TACC1: variants seen among roughly 807,000 people sequenced by gnomAD.
TACC1 encodes the protein transforming acidic coiled-coil containing protein 1, also known as transforming acidic coiled-coil-containing protein 1.
TACC1 carries 48 observed loss-of-function variants against 84.4 expected under a neutral mutation model. The observed-to-expected ratio is 0.57, with a 90% CI of 0.45 to 0.72. The LOEUF (loss-of-function observed/expected upper bound fraction) is 0.72, where lower values mean the gene tolerates loss of function less well. Ranked by LOEUF, TACC1 falls within the 30% of genes least tolerant of loss-of-function variation. The pLI, the probability that TACC1 is intolerant of heterozygous loss-of-function variation, is 0.00. For missense variants in TACC1, 920 were observed against 973.0 expected (o/e 0.95, Z 0.72); for synonymous variants, 372 against 376.3 (o/e 0.99, Z 0.13).
intron 2 of TACC1, among the ~76,000 whole-genome samples, chr8:38,818,541 G>A (rs1449454700): frequency 2.0e-5 from 3 of 152,114 alleles, no homozygotes; most frequent in Non-Finnish European, 4.4e-5. Context: ...TTCCTGGTCC[G>A]ACTTAGAGAC....
intron 3 of TACC1, chr8:38,757,556 C>T (rs1242559064): frequency 1.9e-5 from 21 of 1,085,220 alleles, no homozygotes; most frequent in Non-Finnish European, 2.2e-5. Context: ...CAGCGGGGCA[C>T]GAGAGTTTGG....
intron 8 of TACC1, chr8:38,839,615 C>T: frequency 3.8e-6 from 1 of 262,832 alleles, no homozygotes; most frequent in Non-Finnish European, 7.2e-6. Context: ...GGGGGCACCA[C>T]CATTGAGGGC....
Position 38,763,405 on chromosome 8 carries a change from C to T in TACC1, c.26+17912C>T, listed in dbSNP as rs984221501. Among the ~76,000 whole-genome samples, 11 of 152,272 alleles carry T rather than the reference C, an allele frequency of 7.2e-5. No individual in the cohort carries two copies. In the East Asian group the frequency reaches 1.3e-3, roughly 19 times the overall value. On this transcript the variant is annotated intron_variant, in intron 3 of 14. Transcript: ENST00000518415. ...CTCCCGGCCTCAAATAATTCTCCCC[C>T]CTCAGCCTCCCAGAGTGCTAAGATT...
intron 2 of TACC1, among the ~76,000 whole-genome samples, chr8:38,816,380 T>G (rs1825441305): frequency 6.6e-6 from 1 of 152,228 alleles, no homozygotes; most frequent in South Asian, 2.1e-4. Flanking sequence ...CTGGATGTTC[T>G]CAGATTCTCC....
chr8:38,732,362 A>T (rs1805125706), intron 1 of TACC1, among the ~76,000 whole-genome samples: 1 of 151,544 alleles, frequency 6.6e-6, no homozygotes, highest in Non-Finnish European at 1.5e-5. Flanking sequence ...TGGAAGGATG[A>T]CTTTAGGATT....
At chr8:38,742,531 G>A in intron 2 of TACC1, 1 of 1,030,776 alleles carries the variant, frequency 9.7e-7, no homozygotes, top group Non-Finnish European at 1.4e-6. Context: ...AAAAATAACA[G>A]ATATGTAATC....
chr8:38,738,500 G>A (rs1237543070), intron 1 of TACC1, among the ~76,000 whole-genome samples: 2 of 152,148 alleles, frequency 1.3e-5, no homozygotes, highest in African/African-American at 2.4e-5. Context: ...GTAGGGGCTT[G>A]TGGATTTCTT....
chr8:38,794,669 G>A (rs1009777114), intron 2 of TACC1, among the ~76,000 whole-genome samples: 3 of 152,094 alleles, frequency 2.0e-5, no homozygotes, highest in Non-Finnish European at 4.4e-5. Flanking sequence ...TGTTTAATCA[G>A]ATACTATGTG....
At chr8:38,796,003 A>G (rs1187194790) in intron 2 of TACC1, among the ~76,000 whole-genome samples, 2 of 152,224 alleles carry the variant, frequency 1.3e-5, no homozygotes, top group Admixed American at 1.3e-4. Context: ...TCTTTCTTAT[A>G]TCATAGCTGG....
At chr8:38,800,559 A>G (rs918400886) in intron 2 of TACC1, among the ~76,000 whole-genome samples, 1 of 152,208 alleles carries the variant, frequency 6.6e-6, no homozygotes, top group Non-Finnish European at 1.5e-5. Flanking sequence ...CATGTTTTCA[A>G]GGTTCAGCTA....
At chr8:38,738,681 C>T (rs1041467706) in intron 1 of TACC1, among the ~76,000 whole-genome samples, 8 of 150,192 alleles carry the variant, frequency 5.3e-5, no homozygotes, top group African/African-American at 1.7e-4. Flanking sequence ...TTTTTTTTAA[C>T]CTTCTGGTTC....
intron 1 of TACC1, among the ~76,000 whole-genome samples, chr8:38,741,653 G>A (rs1807093564): frequency 6.6e-6 from 1 of 152,136 alleles, no homozygotes; most frequent in Non-Finnish European, 1.5e-5. Context: ...AAGTATTGGT[G>A]GATGTACTCT....
intron 2 of TACC1, among the ~76,000 whole-genome samples, chr8:38,815,249 G>T (rs1825161927): frequency 6.6e-6 from 1 of 152,130 alleles, no homozygotes; most frequent in Non-Finnish European, 1.5e-5. Context: ...TCCTTAAAAG[G>T]TCACGTGTAT....
At chr8:38,748,347 G>A (rs1025345206) in intron 3 of TACC1, among the ~76,000 whole-genome samples, 27 of 151,696 alleles carry the variant, frequency 1.8e-4, no homozygotes, top group African/African-American at 6.5e-4. Context: ...GAAGAAATAG[G>A]CAATTATAAT....
chr8:38,769,386 A>T (rs1812995663), intron 3 of TACC1, among the ~76,000 whole-genome samples: 3 of 93,380 alleles, frequency 3.2e-5, no homozygotes, highest in African/African-American at 4.4e-5. Context: ...GTGGTGTGTG[A>T]TTATATGTGT....
chr8:38,785,555 G>A, upstream of TACC1: 1 of 335,472 alleles, frequency 3.0e-6, no homozygotes, highest in Non-Finnish European at 4.2e-6. Context: ...GGGGAGTGCG[G>A]GAACTATGTC....
At chr8:38,734,979 GC>G (rs1805685001) in intron 1 of TACC1, among the ~76,000 whole-genome samples, 1 of 152,268 alleles carries the variant, frequency 6.6e-6, no homozygotes, top group Admixed American at 6.5e-5. Context: ...TGAGAACACA[GC>G]CTGCTCTCTT....
intron 2 of TACC1, chr8:38,805,676 T>C (rs1822525901): frequency 6.6e-6 from 1 of 152,056 alleles, no homozygotes; most frequent in Non-Finnish European, 1.5e-5. Context: ...GTTGGTTGCT[T>C]GGTTGGTTGG....
At chr8:38,785,792 T>C, upstream of TACC1, 7 of 823,338 alleles carry the variant, frequency 8.5e-6, no homozygotes, top group Non-Finnish European at 1.0e-5. Flanking sequence ...ATATTTCACA[T>C]GGACCTCCTG....
Sources: allele counts gnomAD v4.1 joint callset (sites outside exome capture counted in the v4.1 genomes callset), GRCh38; gene constraint gnomAD v4.1.1; transcripts MANE v1.5; gene names NCBI Gene and HGNC (gene_info 2026-07-23, HGNC 2026-07-21).